Variants in HTR7 observed in about 807,000 individuals in gnomAD.
HTR7 encodes the protein 5-HT-7.
HTR7 carries 16 observed loss-of-function variants against 34.0 expected under a neutral mutation model. That is an observed-to-expected ratio of 0.47 (90% CI 0.32 to 0.71). The LOEUF (loss-of-function observed/expected upper bound fraction) is 0.71, where lower values mean the gene tolerates loss of function less well. Ranked by LOEUF, HTR7 falls within the 30% of genes least tolerant of loss-of-function variation. HTR7 has a pLI of 0.04. For missense variants in HTR7, 504 were observed against 625.5 expected (o/e 0.81, Z 2.07); for synonymous variants, 265 against 260.2 (o/e 1.02, Z -0.18).
intron 1 of HTR7, among the ~76,000 whole-genome samples, chr10:90,772,947 A>AG (rs1469907553): frequency 6.6e-6 from 1 of 152,222 alleles, no homozygotes; most frequent in Non-Finnish European, 1.5e-5. Context: ...CACATAATAA[A>AG]GCTCAAAACT....
intron 1 of HTR7, among the ~76,000 whole-genome samples, chr10:90,820,186 T>A (rs1049106063): frequency 1.3e-5 from 2 of 152,186 alleles, no homozygotes; most frequent in African/African-American, 2.4e-5. Flanking sequence ...TCTAGGCTAG[T>A]CTGACAGTTG....
chr10:90,742,853 C>G (rs1288782071), intron 3 of HTR7, among the ~76,000 whole-genome samples: 4 of 152,084 alleles, frequency 2.6e-5, no homozygotes, highest in African/African-American at 9.7e-5. Flanking sequence ...ATTGCACCTG[C>G]CCCACTTGAA....
At chr10:90,807,093 T>C (rs1313859239) in intron 1 of HTR7, among the ~76,000 whole-genome samples, 1 of 152,238 alleles carries the variant, frequency 6.6e-6, no homozygotes, top group East Asian at 1.9e-4. Context: ...GTGACTGATT[T>C]TGGAGTAGTA....
rs537755823 is a variant in HTR7 at position 90,802,460 on chromosome 10, A to C, written c.540-52866T>G. Reference sequence around the variant, plus strand: ...TTGCTTCCTCTATGCCCTCTCCAGGAATATATGGTAAAAACCTGGAAAATT... The same window carrying C: ...TTGCTTCCTCTATGCCCTCTCCAGGCATATATGGTAAAAACCTGGAAAATT... On this transcript the variant is annotated intron_variant, in intron 1 of 3. Coordinates refer to ENST00000336152, the MANE Select transcript of HTR7 (RefSeq NM_019859.4). Among the ~76,000 whole-genome samples the C allele has an allele frequency of 2.0e-5, 3 of 152,300 alleles. No homozygotes were observed. The South Asian group carries it at 6.2e-4, about 32-fold the overall frequency.
intron 1 of HTR7, among the ~76,000 whole-genome samples, chr10:90,779,473 G>A (rs566343356): frequency 2.6e-5 from 4 of 152,196 alleles, no homozygotes; most frequent in Admixed American, 6.5e-5. Context: ...TTTGTTTCTC[G>A]TATACTGCAC....
Position 90,793,719 on chromosome 10 carries a change from A to G in HTR7, c.540-44125T>C, listed in dbSNP as rs534069043. 3.9e-5 allele frequency among the ~76,000 whole-genome samples: 6 copies of G among 152,214 alleles called. No homozygotes were observed. In the South Asian group the frequency reaches 1.0e-3, roughly 26 times the overall value. ...ACAAGGCGAAATCCCACAATAGGCT[A>G]TCTGCAAGGTGAGGAGCAAGGAAGC... On this transcript the variant is annotated intron_variant, in intron 1 of 3. Coordinates refer to ENST00000336152, the MANE Select transcript of HTR7 (RefSeq NM_019859.4).
chr10:90,830,674 G>C (rs1178121929), intron 1 of HTR7, among the ~76,000 whole-genome samples: 1 of 151,790 alleles, frequency 6.6e-6, no homozygotes, highest in African/African-American at 2.4e-5. Flanking sequence ...TGTAGTCCCA[G>C]GTACTTGGAG....
At chr10:90,821,029 G>A (rs1195010831) in intron 1 of HTR7, among the ~76,000 whole-genome samples, 2 of 152,056 alleles carry the variant, frequency 1.3e-5, no homozygotes, top group Non-Finnish European at 2.9e-5. Context: ...AGAGTAGCAG[G>A]AGGTGGAACA....
intron 1 of HTR7, among the ~76,000 whole-genome samples, chr10:90,814,238 C>G (rs1845863056): frequency 6.6e-6 from 1 of 152,184 alleles, no homozygotes; most frequent in African/African-American, 2.4e-5. Flanking sequence ...ACGCCAGATG[C>G]AGCTGCTGAT....
chr10:90,795,441 A>C (rs1845523361), intron 1 of HTR7, among the ~76,000 whole-genome samples: 2 of 152,200 alleles, frequency 1.3e-5, no homozygotes, highest in Admixed American at 6.5e-5. Context: ...GAAGTACAAA[A>C]ATTTAGAGGC....
At chr10:90,827,389 TA>T (rs1254664692) in intron 1 of HTR7, among the ~76,000 whole-genome samples, 1 of 151,948 alleles carries the variant, frequency 6.6e-6, no homozygotes, top group Non-Finnish European at 1.5e-5. Context: ...CTACTAAAAA[TA>T]AAAATTAAAC....
At chr10:90,798,475 G>C (rs1179230670) in intron 1 of HTR7, among the ~76,000 whole-genome samples, 1 of 152,120 alleles carries the variant, frequency 6.6e-6, no homozygotes, top group Non-Finnish European at 1.5e-5. Flanking sequence ...CTGGTGCTGG[G>C]AGGCCAAGGA....
At chr10:90,745,944 A>T (rs1169894384) in intron 2 of HTR7, among the ~76,000 whole-genome samples, 1 of 152,196 alleles carries the variant, frequency 6.6e-6, no homozygotes, top group Non-Finnish European at 1.5e-5. Context: ...ACAACACCCA[A>T]GCCTCCAGAC....
intron 1 of HTR7, among the ~76,000 whole-genome samples, chr10:90,764,280 C>T (rs1490659640): frequency 6.6e-6 from 1 of 151,572 alleles, no homozygotes; most frequent in Non-Finnish European, 1.5e-5. Context: ...CTGTTCATAT[C>T]CTTTGCCCAT....
chr10:90,770,347 G>A (rs1845088364), intron 1 of HTR7, among the ~76,000 whole-genome samples: 1 of 152,218 alleles, frequency 6.6e-6, no homozygotes, highest in Non-Finnish European at 1.5e-5. Flanking sequence ...GGGGCAGGCA[G>A]AGAGGAGCCC....
At chr10:90,799,238 C>G (rs751811754) in intron 1 of HTR7, among the ~76,000 whole-genome samples, 7 of 152,094 alleles carry the variant, frequency 4.6e-5, no homozygotes, top group Non-Finnish European at 8.8e-5. Flanking sequence ...TGCTCCCCAC[C>G]CTGACACCCA....
intron 1 of HTR7, among the ~76,000 whole-genome samples, chr10:90,773,736 A>T (rs974574249): frequency 6.6e-6 from 1 of 152,220 alleles, no homozygotes; most frequent in African/African-American, 2.4e-5. Context: ...TTCACTTAAC[A>T]TAATAACCTC....
intron 1 of HTR7, among the ~76,000 whole-genome samples, chr10:90,791,285 AGTGTATGT>A (rs1845455761): frequency 6.6e-6 from 1 of 152,120 alleles, no homozygotes; most frequent in South Asian, 2.1e-4. Flanking sequence ...GTGCCATCAA[AGTGTATGT>A]GTGTATGTAC....
chr10:90,788,444 CA>C (rs1398811359), intron 1 of HTR7, among the ~76,000 whole-genome samples: 1 of 152,210 alleles, frequency 6.6e-6, no homozygotes, highest in African/African-American at 2.4e-5. Flanking sequence ...TATACATCTA[CA>C]AATAACTGCA....
Sources: gnomAD v4.1 joint callset for allele counts (sites outside exome capture counted in the v4.1 genomes callset) on GRCh38, gnomAD v4.1.1 for gene constraint, MANE v1.5 for transcripts, NCBI Gene and HGNC (gene_info 2026-07-23, HGNC 2026-07-21) for gene names.